The following DTWD2 variants were observed in gnomAD, a reference collection of about 807,000 sequenced individuals.
DTWD2 encodes the protein DTW motif tRNA-uridine aminocarboxypropyltransferase 2, also known as tRNA-uridine aminocarboxypropyltransferase 2.
DTWD2 carries 39 observed loss-of-function variants against 31.8 expected under a neutral mutation model. The ratio of observed to expected loss-of-function variants is 1.22; its 90% CI spans 0.95 to 1.60. The LOEUF (loss-of-function observed/expected upper bound fraction) is 1.60, where lower values mean the gene tolerates loss of function less well. Ranked by LOEUF, DTWD2 falls within the 40% of genes most tolerant of loss-of-function variation. DTWD2 has a pLI of 0.00. For synonymous variants in DTWD2, 180 were observed against 142.8 expected (o/e 1.26, Z -1.86); for missense variants, 515 against 381.5 (o/e 1.35, Z -2.92).
chr5:118,950,696 G>A (rs1256898183), intron 1 of DTWD2, among the ~76,000 whole-genome samples: 1 of 152,240 alleles, frequency 6.6e-6, no homozygotes, highest in Non-Finnish European at 1.5e-5. Flanking sequence ...AGGAGGTCCT[G>A]AAGGAATGCC....
intron 5 of DTWD2, among the ~76,000 whole-genome samples, chr5:118,844,300 A>G (rs1297104115): frequency 6.6e-6 from 1 of 152,228 alleles, no homozygotes; most frequent in Non-Finnish European, 1.5e-5. Context: ...TGCCACATCT[A>G]TCTTTAAAAA....
At position 118,939,298 on chromosome 5, in the gene DTWD2, TA is replaced by T; in HGVS notation, c.310-9del. The T allele has an allele frequency of 1.3e-6, 2 of 1,553,808 alleles. No individual in the cohort carries two copies. Among genetic ancestry groups the T allele is most frequent in the South Asian group, 2.5e-5 (2 of 80,630 alleles). On this transcript the variant is annotated splice_polypyrimidine_tract_variant and intron_variant, in intron 2 of 5. Coordinates refer to ENST00000510708, the MANE Select transcript of DTWD2 (RefSeq NM_173666.4). ...ACGCAACACTTTGTTTTCCTTTAAT[TA>T]AAAAATGAATTGAAACATAGATTTT... is the stretch of plus-strand genomic sequence containing the variant.
chr5:118,963,062 A>G (rs1328347255), intron 1 of DTWD2, among the ~76,000 whole-genome samples: 1 of 152,250 alleles, frequency 6.6e-6, no homozygotes, highest in Non-Finnish European at 1.5e-5. Flanking sequence ...TCCAGAAGCA[A>G]AAGATCAAAG....
intron 4 of DTWD2, among the ~76,000 whole-genome samples, chr5:118,913,985 A>C (rs1753518276): frequency 6.6e-6 from 1 of 152,146 alleles, no homozygotes; most frequent in African/African-American, 2.4e-5. Context: ...TATAAATAAA[A>C]TAAATTAATA....
At chr5:118,931,884 G>T (rs1406176725) in intron 3 of DTWD2, among the ~76,000 whole-genome samples, 1 of 152,160 alleles carries the variant, frequency 6.6e-6, no homozygotes, top group Non-Finnish European at 1.5e-5. Context: ...TACAAAGTAT[G>T]CTCTCAGACT....
At chr5:118,881,719 G>A (rs1415566032) in intron 4 of DTWD2, among the ~76,000 whole-genome samples, 1 of 152,124 alleles carries the variant, frequency 6.6e-6, no homozygotes, top group African/African-American at 2.4e-5. Flanking sequence ...AGGAGAGAGA[G>A]AGAGCACAAT....
chr5:118,897,169 G>C (rs1329949013), intron 4 of DTWD2, among the ~76,000 whole-genome samples: 1 of 152,158 alleles, frequency 6.6e-6, no homozygotes, highest in Non-Finnish European at 1.5e-5. Flanking sequence ...AGAATACAAA[G>C]CAAAATCAGC....
intron 1 of DTWD2, among the ~76,000 whole-genome samples, chr5:118,978,743 C>T (rs1755222538): frequency 6.6e-6 from 1 of 152,162 alleles, no homozygotes; most frequent in Non-Finnish European, 1.5e-5. Context: ...CGGTGGCTCA[C>T]ACCTGTAATC....
chr5:118,939,335 T>C (rs749697992), intron 2 of DTWD2, 45 bp from the exon 3 acceptor site: 80 of 1,438,504 alleles, frequency 5.6e-5, no homozygotes, highest in Non-Finnish European at 6.4e-5. Flanking sequence ...TACTTAGATA[T>C]ACACACTTTT....
chr5:118,969,860 G>C (rs185806041), intron 1 of DTWD2, among the ~76,000 whole-genome samples: 37 of 152,236 alleles, frequency 2.4e-4, no homozygotes, highest in Admixed American at 2.1e-3. Flanking sequence ...GGAGGCTTCA[G>C]AAAATGGGTA....
rs758285067 is a variant in DTWD2, at chr5:118,988,381, C to T, written c.131G>A (p.Gly44Asp). ...CGCACTGTCGTCGTCCGCCTCTGCGCCCAGGGCAGCCGCCGCCGGCACTGC... is the reference window on the plus strand; with the variant it reads ...CGCACTGTCGTCGTCCGCCTCTGCGTCCAGGGCAGCCGCCGCCGGCACTGC... Reference protein sequence around the residue: ...GGAVPAAAALGAEADDDSADG... With the variant: ...GGAVPAAAALDAEADDDSADG... Residue 44 changes from glycine to aspartate, a missense_variant, in exon 1 of 6, where the codon GGC (glycine) becomes GAC (aspartate). Gly to Asp is a moderately conservative substitution (Grantham distance 94). Coordinates refer to ENST00000510708, the MANE Select transcript of DTWD2 (RefSeq NM_173666.4). The T allele has an allele frequency of 7.6e-6, 12 of 1,584,498 alleles. No individual in the cohort carries two copies. The Admixed American group carries it at 1.2e-4, about 16-fold the overall frequency.
chr5:118,974,003 G>A (rs2149600238), intron 1 of DTWD2: 5 of 1,598,804 alleles, frequency 3.1e-6, no homozygotes, highest in Non-Finnish European at 4.3e-6. Context: ...AGAAGGTGAT[G>A]GTGAGGAAGA....
intron 4 of DTWD2, among the ~76,000 whole-genome samples, chr5:118,897,676 T>C (rs1187721221): frequency 1.3e-5 from 2 of 152,082 alleles, no homozygotes; most frequent in Non-Finnish European, 2.9e-5. Context: ...TTAAAAACAA[T>C]ACAGACCATA....
chr5:118,973,172 G>A (rs571593262), intron 1 of DTWD2, among the ~76,000 whole-genome samples: 1 of 149,040 alleles, frequency 6.7e-6, no homozygotes, highest in African/African-American at 2.5e-5. Flanking sequence ...TGGGTCTTCT[G>A]AATACAACAC....
At chr5:118,843,373 G>A (rs1481970616) in intron 5 of DTWD2, among the ~76,000 whole-genome samples, 1 of 145,658 alleles carries the variant, frequency 6.9e-6, no homozygotes, top group East Asian at 1.9e-4. Flanking sequence ...GAGGAAGGGA[G>A]GAAGGAAGGA....
At chr5:118,943,051 T>C (rs1384378589) in intron 2 of DTWD2, among the ~76,000 whole-genome samples, 2 of 152,094 alleles carry the variant, frequency 1.3e-5, no homozygotes, top group Non-Finnish European at 2.9e-5. Context: ...TTATCCTCCT[T>C]CTTCAGCCTC....
At chr5:118,928,341 T>TTA (rs1753850928) in intron 4 of DTWD2, among the ~76,000 whole-genome samples, 196 bp downstream of exon 4, 1 of 151,848 alleles carries the variant, frequency 6.6e-6, no homozygotes, top group Non-Finnish European at 1.5e-5. Flanking sequence ...ATTTGAAATT[T>TTA]TATATATATA....
intron 1 of DTWD2, among the ~76,000 whole-genome samples, chr5:118,952,544 T>A (rs993101356): frequency 6.6e-6 from 1 of 152,134 alleles, no homozygotes; most frequent in African/African-American, 2.4e-5. Flanking sequence ...GGTAATGTCA[T>A]CAGTTAGGGC....
intron 1 of DTWD2, among the ~76,000 whole-genome samples, chr5:118,976,169 T>A (rs1375509239): frequency 6.6e-6 from 1 of 152,206 alleles, no homozygotes; most frequent in East Asian, 1.9e-4. Flanking sequence ...CGTACCAGTA[T>A]ATCTGGGACA....
Sources: allele counts gnomAD v4.1 joint callset (sites outside exome capture counted in the v4.1 genomes callset), GRCh38; gene constraint gnomAD v4.1.1; transcripts MANE v1.5; gene names NCBI Gene and HGNC (gene_info 2026-07-23, HGNC 2026-07-21).